Variants in TMEFF1 observed in about 807,000 individuals in gnomAD.
TMEFF1 encodes tomoregulin-1.
TMEFF1 carries 20 observed loss-of-function variants against 47.5 expected under a neutral mutation model. That is an observed-to-expected ratio of 0.42 (90% CI 0.30 to 0.61). The LOEUF (loss-of-function observed/expected upper bound fraction) is 0.61, where lower values mean the gene tolerates loss of function less well. TMEFF1 is among the 20% of genes least tolerant of loss of function. The probability of loss-of-function intolerance (pLI) is 0.19; values close to 1 mark genes in which losing one functional copy is unlikely to be tolerated. For synonymous variants in TMEFF1, 162 were observed against 166.3 expected, an observed-to-expected ratio of 0.97 and a Z score of 0.20; for missense variants, 411 against 471.1, an observed-to-expected ratio of 0.87 and a Z score of 1.18.
chr9:100,541,348 A>ATTTTTTTT (rs34971752), intron 5 of TMEFF1, among the ~76,000 whole-genome samples: 3 of 106,768 alleles, frequency 2.8e-5, no homozygotes, highest in Non-Finnish European at 4.0e-5. Context: ...TGGCAATTTC[A>ATTTTTTTT]TTTTTTTTTT....
chr9:100,478,190 A>G (rs1337556645), intron 1 of TMEFF1, among the ~76,000 whole-genome samples: 2 of 152,162 alleles, frequency 1.3e-5, no homozygotes, highest in Non-Finnish European at 2.9e-5. Flanking sequence ...TGACCTCCCT[A>G]GCTTGAAGAT....
chr9:100,547,737 C>G lies in TMEFF1; in HGVS notation c.561-7C>G. 1 of 1,492,044 alleles carries G rather than the reference C, an allele frequency of 6.7e-7. No individual in the cohort carries two copies. The highest frequency in any genetic ancestry group is 8.9e-7 in the Non-Finnish European group (1 of 1,119,574). 92.4% of individuals were successfully genotyped at this position (1,492,044 alleles called of 1,614,324 possible). Reference sequence around the variant, plus strand: ...AAAATATAGGTAATTTTTGTCTTTTCCAACAGGTGTGTATGTAATATAGAT... The same window carrying G: ...AAAATATAGGTAATTTTTGTCTTTTGCAACAGGTGTGTATGTAATATAGAT... On this transcript the variant is annotated splice_region_variant and splice_polypyrimidine_tract_variant and intron_variant, in intron 5 of 9. Transcript: ENST00000374879.
At chr9:100,564,385 TTTGA>T (rs1308558453) in intron 8 of TMEFF1, among the ~76,000 whole-genome samples, 9 of 152,326 alleles carry the variant, frequency 5.9e-5, no homozygotes, top group Non-Finnish European at 8.8e-5. Flanking sequence ...TGATTTATTT[TTTGA>T]TTGATTGATT....
chr9:100,536,898 T>C (rs1838522389), intron 5 of TMEFF1, among the ~76,000 whole-genome samples: 1 of 152,238 alleles, frequency 6.6e-6, no homozygotes, highest in African/African-American at 2.4e-5. Flanking sequence ...AAGGTAGGTT[T>C]CTTAGAATAT....
At chr9:100,493,566 G>A (rs1187034256) in intron 1 of TMEFF1, among the ~76,000 whole-genome samples, 1 of 152,162 alleles carries the variant, frequency 6.6e-6, no homozygotes, top group Non-Finnish European at 1.5e-5. Flanking sequence ...TTTACATTTT[G>A]AGAATTGTGG....
intron 1 of TMEFF1, among the ~76,000 whole-genome samples, chr9:100,493,996 A>C (rs1837605876): frequency 6.6e-6 from 1 of 152,120 alleles, no homozygotes; most frequent in South Asian, 2.1e-4. Flanking sequence ...CAGCCTGGGC[A>C]ACATGGTGAA....
At chr9:100,537,206 C>CT (rs1034657039) in intron 5 of TMEFF1, among the ~76,000 whole-genome samples, 2 of 152,096 alleles carry the variant, frequency 1.3e-5, no homozygotes, top group African/African-American at 4.8e-5. Flanking sequence ...GCAATCCTGC[C>CT]TGTGTTTATG....
intron 7 of TMEFF1, 101 bp from the exon 8 acceptor site, chr9:100,561,296 T>C: frequency 6.6e-7 from 1 of 1,519,616 alleles, no homozygotes; most frequent in South Asian, 1.4e-5. Context: ...AGTAGGTGGT[T>C]GACAGTGGGT....
chr9:100,544,718 C>G (rs568805230), intron 5 of TMEFF1, among the ~76,000 whole-genome samples: 93 of 152,364 alleles, frequency 6.1e-4, no homozygotes, highest in Non-Finnish European at 1.2e-3. Flanking sequence ...AACATCTCAT[C>G]TGAGACAAGG....
intron 5 of TMEFF1, among the ~76,000 whole-genome samples, chr9:100,527,682 C>T (rs1838289890): frequency 1.3e-5 from 2 of 152,318 alleles, no homozygotes; most frequent in South Asian, 4.2e-4. Context: ...CCGCCATTGC[C>T]CAGGCTTGCT....
chr9:100,561,653 AATC>A, intron 8 of TMEFF1, 133 bp downstream of exon 8: 1 of 1,323,248 alleles, frequency 7.6e-7, no homozygotes, highest in Non-Finnish European at 9.7e-7. Flanking sequence ...GTAAAAAACA[AATC>A]AGCAGCATCA....
chr9:100,501,782 C>T (rs1263022498), intron 2 of TMEFF1, among the ~76,000 whole-genome samples: 2 of 151,974 alleles, frequency 1.3e-5, no homozygotes, highest in Non-Finnish European at 2.9e-5. Context: ...GTAACTGGGA[C>T]TGCAGGTGCA....
In TMEFF1 at chr9:100,572,514, TCAGA is replaced by T. The variant is rs1160109536; in HGVS notation, c.900-3_900del. 1 of 1,572,046 alleles carries T rather than the reference TCAGA, an allele frequency of 6.4e-7. No individual in the cohort carries two copies. The highest frequency in any genetic ancestry group is 8.6e-7 in the Non-Finnish European group (1 of 1,162,580). ...ATAGGAATATATATATTTTTCCTTTTCAGATGTGAATCTGGCTACACTGGACAGC... is the reference window on the plus strand; with the variant it reads ...ATAGGAATATATATATTTTTCCTTTTTGTGAATCTGGCTACACTGGACAGC... On this transcript the variant is annotated splice_acceptor_variant and splice_polypyrimidine_tract_variant and coding_sequence_variant and intron_variant, in exon 9 of 10. Coordinates refer to ENST00000374879, the MANE Select transcript of TMEFF1 (RefSeq NM_003692.5). LOFTEE classifies it high-confidence loss of function.
intron 5 of TMEFF1, among the ~76,000 whole-genome samples, chr9:100,534,165 T>C (rs369520391): frequency 6.6e-6 from 1 of 152,156 alleles, no homozygotes; most frequent in Non-Finnish European, 1.5e-5. Flanking sequence ...GTGGATGTGG[T>C]AGAGTTTCAT....
At chr9:100,532,264 C>G (rs1293955513) in intron 5 of TMEFF1, among the ~76,000 whole-genome samples, 3 of 151,782 alleles carry the variant, frequency 2.0e-5, no homozygotes, top group Non-Finnish European at 4.4e-5. Context: ...ACTAAAGAGC[C>G]TCTGCACAGC....
chr9:100,479,432 A>G (rs1837298789), intron 1 of TMEFF1, among the ~76,000 whole-genome samples: 1 of 152,190 alleles, frequency 6.6e-6, no homozygotes, highest in Admixed American at 6.5e-5. Flanking sequence ...GTGGATTTAT[A>G]TATATTCACA....
At chr9:100,526,343 T>C (rs1039872131) in intron 5 of TMEFF1, among the ~76,000 whole-genome samples, 6 of 152,174 alleles carry the variant, frequency 3.9e-5, no homozygotes, top group African/African-American at 1.2e-4. Flanking sequence ...AAATTTTCTT[T>C]AGTTATTTGA....
At chr9:100,566,162 C>T (rs973024621) in intron 8 of TMEFF1, among the ~76,000 whole-genome samples, 1 of 152,140 alleles carries the variant, frequency 6.6e-6, no homozygotes, top group African/African-American at 2.4e-5. Flanking sequence ...TTGGCTGCTT[C>T]CCACTTTGCT....
chr9:100,543,407 G>T (rs1838669993), intron 5 of TMEFF1, among the ~76,000 whole-genome samples: 2 of 151,248 alleles, frequency 1.3e-5, no homozygotes, highest in South Asian at 4.2e-4. Context: ...GTTCTGTTTG[G>T]TTCTTTTAAA....
Sources: allele counts gnomAD v4.1 joint callset (sites outside exome capture counted in the v4.1 genomes callset), GRCh38; gene constraint gnomAD v4.1.1; transcripts MANE v1.5; gene names NCBI Gene and HGNC (gene_info 2026-07-23, HGNC 2026-07-21).